Variants in SUSD1 observed in about 807,000 individuals in gnomAD.
SUSD1 encodes sushi domain containing 1.
A neutral mutation model predicts 86.9 loss-of-function variants in SUSD1; 65 were observed. The observed-to-expected ratio is 0.75, with a 90% confidence interval of 0.61 to 0.92. The LOEUF (loss-of-function observed/expected upper bound fraction) is 0.92. Ranked by LOEUF, SUSD1 falls within the 40% of genes least tolerant of loss-of-function variation. The pLI is 0.00. For missense variants in SUSD1, 850 were observed against 929.7 expected, an observed-to-expected ratio of 0.91 and a Z score of 1.11; for synonymous variants, 346 against 350.0, an observed-to-expected ratio of 0.99 and a Z score of 0.13.
At chr9:112,126,879 T>C (rs998942398) in intron 5 of SUSD1, among the ~76,000 whole-genome samples, 3 of 152,142 alleles carry the variant, frequency 2.0e-5, no homozygotes, top group African/African-American at 7.2e-5. Flanking sequence ...CCATTTGTCA[T>C]CATATGCATT....
In SUSD1 at chr9:112,159,951, G is replaced by T. The variant is rs1281185877; in HGVS notation, c.104-2338C>A. Among the ~76,000 whole-genome samples, 3 of 151,942 alleles carry T rather than the reference G, an allele frequency of 2.0e-5. No homozygotes were observed. In the East Asian group the frequency reaches 5.8e-4, roughly 29 times the overall value. The stretch of plus-strand genomic sequence containing the variant: ...AAAAGAACACACAAAACAGCAGCAT[G>T]GTTAGCATGTTTGGAAATCTCCCAG... On this transcript the variant is annotated intron_variant, in intron 1 of 16. Transcript: ENST00000374270.
rs1396211770 is a variant in SUSD1 at position 112,142,518 on chromosome 9, C to A, written c.527-19G>T. On this transcript the variant is annotated intron_variant, in intron 4 of 16. Coordinates refer to ENST00000374270, the MANE Select transcript of SUSD1 (RefSeq NM_022486.5). ...TCTATTTCTGAAAATAAATTAATGTCAAATTCATTACCTCGTGAATGTAAA... is the reference window on the plus strand; with the variant it reads ...TCTATTTCTGAAAATAAATTAATGTAAAATTCATTACCTCGTGAATGTAAA... The A allele has an allele frequency of 1.2e-6, 2 of 1,603,820 alleles. No individual in the cohort carries two copies. The highest frequency in any genetic ancestry group is 2.2e-5 in the South Asian group (2 of 89,880).
At chr9:112,079,926 G>C in intron 11 of SUSD1, 148 bp downstream of exon 11, 1 of 562,926 alleles carries the variant, frequency 1.8e-6, no homozygotes, top group East Asian at 3.2e-5. Flanking sequence ...CACAGAAGTG[G>C]CCATCTTCTT....
Position 112,113,900 on chromosome 9 carries a change from C to T in SUSD1, c.887-1032G>A, listed in dbSNP as rs766842014. 1.3e-5 allele frequency among the ~76,000 whole-genome samples: 2 copies of T among 151,936 alleles called. No homozygotes were observed. The highest frequency in any genetic ancestry group is 2.9e-5 in the Non-Finnish European group (2 of 67,986). On this transcript the variant is annotated intron_variant, in intron 6 of 16. Transcript: ENST00000374270. The surrounding 1 kb of genome is among the most constrained non-coding windows in gnomAD (Gnocchi z 4.1). ...TGAGCTGAGATTGCACCACTGCACT[C>T]CAGCCTGGGTGACGGAGCAAAACTC... is the stretch of plus-strand genomic sequence containing the variant.
chr9:112,078,811 CTTTTTTTTTTT>C (rs71496739), intron 11 of SUSD1, 87 bp from the exon 12 acceptor site: 10 of 641,450 alleles, frequency 1.6e-5, no homozygotes, highest in Middle Eastern at 1.0e-3. Flanking sequence ...TTTTCTTTCT[CTTTTTTTTTTT>C]TTTTTTTTGA....
In SUSD1 at chr9:112,078,711, C is replaced by T. The variant is rs1250637213; in HGVS notation, c.1580G>A (p.Gly527Asp). 1.2e-6 allele frequency: 2 copies of T among 1,612,388 alleles called. No individual in the cohort carries two copies. Among genetic ancestry groups the T allele is most frequent in the Non-Finnish European group, 1.7e-6 (2 of 1,178,696 alleles). Residue 527 changes from glycine to aspartate, a missense_variant, in exon 12 of 17, where the codon GGC becomes GAC. Transcript: ENST00000374270. ...MEEMYLFHIW[G>D]QRWYQKEFAQ... ...AAATTCCTTCTGATACCATCTCTGG[C>T]CCCAAATGTGGAACTGAAACATAAA...
Position 112,143,579 on chromosome 9 carries a change from G to T in SUSD1, c.418C>A (p.Arg140=), listed in dbSNP as rs761847854. 9.3e-6 allele frequency: 15 copies of T among 1,613,496 alleles called. No individual in the cohort carries two copies. Among genetic ancestry groups the T allele is most frequent in the Non-Finnish European group, 1.3e-5 (15 of 1,179,916 alleles). ...EVSGLCRHGG[R]CVNTHGSFEC... ...AAGCTCCCATGAGTGTTCACGCATC[G>T]CCCTCCATGCCTGCACAGGCCAGAA... Residue 140 remains arginine, a synonymous_variant, in exon 4 of 17, where the codon CGA becomes AGA. Coordinates refer to ENST00000374270, the MANE Select transcript of SUSD1 (RefSeq NM_022486.5).
intron 10 of SUSD1, among the ~76,000 whole-genome samples, chr9:112,095,923 G>A (rs1041012994): frequency 1.1e-4 from 17 of 152,164 alleles, no homozygotes; most frequent in Admixed American, 1.0e-3. Context: ...AGGGAGCAAC[G>A]AAAATGGAAA....
chr9:112,058,298 T>C (rs1828541948), intron 14 of SUSD1, 130 bp downstream of exon 14: 1 of 1,226,834 alleles, frequency 8.2e-7, no homozygotes, highest in Non-Finnish European at 1.1e-6. Context: ...AAAGGCAAAG[T>C]ATTCACAAAC....
intron 15 of SUSD1, among the ~76,000 whole-genome samples, chr9:112,051,414 T>C (rs1391911882): frequency 2.6e-4 from 29 of 111,132 alleles, no homozygotes; most frequent in African/African-American, 1.1e-3. Flanking sequence ...TTTTCTTTTT[T>C]TTTTTTTTTT....
At chr9:112,156,817 T>C (rs191174156) in intron 2 of SUSD1, among the ~76,000 whole-genome samples, 4 of 152,330 alleles carry the variant, frequency 2.6e-5, no homozygotes, top group African/African-American at 9.6e-5. Flanking sequence ...TTTTAATGCA[T>C]ATAACAAGGT....
chr9:112,044,283 T>C (rs1481620064), intron 15 of SUSD1, among the ~76,000 whole-genome samples: 1 of 152,220 alleles, frequency 6.6e-6, no homozygotes, highest in South Asian at 2.1e-4. Context: ...CTTTCAAAGT[T>C]TGAATACTGG....
intron 8 of SUSD1, among the ~76,000 whole-genome samples, chr9:112,108,576 A>C (rs1830943652): frequency 6.6e-6 from 1 of 152,050 alleles, no homozygotes; most frequent in Non-Finnish European, 1.5e-5. Context: ...CCAGAAGTTC[A>C]AGACCAGCCT....
chr9:112,150,362 A>C (rs966352519), intron 2 of SUSD1, among the ~76,000 whole-genome samples: 1 of 152,210 alleles, frequency 6.6e-6, no homozygotes, highest in African/African-American at 2.4e-5. Flanking sequence ...TGGGAGAAAA[A>C]TCATCAACTT....
At chr9:112,081,265 A>G (rs1829756456) in intron 10 of SUSD1, among the ~76,000 whole-genome samples, 1 of 152,252 alleles carries the variant, frequency 6.6e-6, no homozygotes, top group African/African-American at 2.4e-5. Flanking sequence ...CATGAAAGGT[A>G]AGGCTGTATT....
At chr9:112,075,005 A>T (rs1829456196) in intron 12 of SUSD1, among the ~76,000 whole-genome samples, 1 of 152,086 alleles carries the variant, frequency 6.6e-6, no homozygotes, top group South Asian at 2.1e-4. Context: ...AACAAGGAGT[A>T]AGTGTCTCAT....
intron 5 of SUSD1, among the ~76,000 whole-genome samples, chr9:112,141,247 C>T (rs182109821): frequency 3.3e-5 from 5 of 152,182 alleles, no homozygotes; most frequent in Admixed American, 3.3e-4. Flanking sequence ...ATGATGGCTA[C>T]GATGTCACTA....
rs569180507 is a variant in SUSD1, at chr9:112,134,988, C to G, written c.706+7332G>C. On this transcript the variant is annotated intron_variant, in intron 5 of 16. Coordinates refer to ENST00000374270, the MANE Select transcript of SUSD1 (RefSeq NM_022486.5). ...GGCTGAGGCAGGAGAATCGCTTGAACCCAAGAGGCAGAGGTTGCAGTGAGT... is the reference window on the plus strand; with the variant it reads ...GGCTGAGGCAGGAGAATCGCTTGAAGCCAAGAGGCAGAGGTTGCAGTGAGT... Among the ~76,000 whole-genome samples the G allele has an allele frequency of 2.5e-4, 38 of 151,972 alleles. 1 individual carries two copies. The South Asian group carries it at 7.9e-3, about 32-fold the overall frequency.
chr9:112,133,665 T>C (rs555099202), intron 5 of SUSD1, among the ~76,000 whole-genome samples: 1 of 152,324 alleles, frequency 6.6e-6, no homozygotes, highest in South Asian at 2.1e-4. Context: ...TGGGAAATAG[T>C]TTTTTATTAA....
Sources: gnomAD v4.1 joint callset for allele counts (sites outside exome capture counted in the v4.1 genomes callset) on GRCh38, gnomAD v4.1.1 for gene constraint, Gnocchi (gnomAD v3.1) non-coding constraint, MANE v1.5 for transcripts, NCBI Gene and HGNC (gene_info 2026-07-23, HGNC 2026-07-21) for gene names.